Variants in ADAM23 observed in about 807,000 individuals in gnomAD.
ADAM23 encodes the protein disintegrin and metalloproteinase domain-containing protein 23.
Under a neutral mutation model 120.1 loss-of-function variants are expected in ADAM23, and 33 were observed. The observed-to-expected ratio is 0.27, with a 90% confidence interval of 0.21 to 0.37. The LOEUF is 0.37. ADAM23 is among the 10% of genes least tolerant of loss of function. The pLI is 1.00. For synonymous variants in ADAM23, 367 were observed against 375.2 expected, an observed-to-expected ratio of 0.98 and a Z score of 0.25; for missense variants, 862 against 1,058.2, an observed-to-expected ratio of 0.81 and a Z score of 2.57.
intron 2 of ADAM23, among the ~76,000 whole-genome samples, chr2:206,466,676 T>TAAAAGTAAAAA (rs1331396111): frequency 1.3e-5 from 2 of 152,226 alleles, no homozygotes; most frequent in East Asian, 3.8e-4. Context: ...ATTAGTGTAT[T>TAAAAGTAAAAA]AGTCTGTTCT....
intron 2 of ADAM23, among the ~76,000 whole-genome samples, chr2:206,469,462 A>G (rs565354679): frequency 2.4e-4 from 36 of 152,216 alleles, no homozygotes; most frequent in Non-Finnish European, 4.1e-4. Flanking sequence ...GTTATTTCCC[A>G]AGTCAAACCC....
intron 14 of ADAM23, among the ~76,000 whole-genome samples, chr2:206,565,450 A>G (rs115760674): frequency 7.7e-4 from 118 of 152,324 alleles, no homozygotes; most frequent in African/African-American, 2.7e-3. Flanking sequence ...GTAAATATAT[A>G]TGTTTACGGT....
chr2:206,530,207 C>T (rs1697023388), intron 3 of ADAM23, among the ~76,000 whole-genome samples: 1 of 152,182 alleles, frequency 6.6e-6, no homozygotes, highest in African/African-American at 2.4e-5. Context: ...AGTGTCCATA[C>T]AGTTTTATTG....
intron 3 of ADAM23, among the ~76,000 whole-genome samples, chr2:206,486,290 G>C (rs1310538971): frequency 6.6e-6 from 1 of 151,144 alleles, no homozygotes; most frequent in African/African-American, 2.4e-5. Flanking sequence ...CGTTATTCCA[G>C]GTTACAGAAG....
intron 3 of ADAM23, among the ~76,000 whole-genome samples, chr2:206,515,309 C>T (rs964863208): frequency 6.6e-6 from 1 of 152,142 alleles, no homozygotes; most frequent in African/African-American, 2.4e-5. Flanking sequence ...AAAGCAAGAT[C>T]TGTTTTTTAA....
chr2:206,608,090 G>T (rs997419406), intron 24 of ADAM23: 2 of 345,096 alleles, frequency 5.8e-6, no homozygotes, highest in African/African-American at 4.4e-5. Context: ...CATGTAAGTA[G>T]AATAAAGTTT....
intron 2 of ADAM23, among the ~76,000 whole-genome samples, chr2:206,476,742 A>T (rs559311381): frequency 9.9e-5 from 15 of 152,268 alleles, no homozygotes; most frequent in Non-Finnish European, 1.9e-4. Flanking sequence ...AGATGTGATG[A>T]TCCATAGTGT....
intron 3 of ADAM23, among the ~76,000 whole-genome samples, chr2:206,486,916 C>G (rs73054220): frequency 6.6e-6 from 1 of 152,112 alleles, no homozygotes; most frequent in Non-Finnish European, 1.5e-5. Flanking sequence ...CCCTGGTGAC[C>G]GCTAATCTAC....
At position 206,444,025 on chromosome 2, in the gene ADAM23, G is replaced by A. The variant is rs955308824; in HGVS notation, c.159G>A (p.Leu53=). The A allele has an allele frequency of 1.4e-6, 2 of 1,411,152 alleles. No individual in the cohort carries two copies. The highest frequency in any genetic ancestry group is 1.9e-6 in the Non-Finnish European group (2 of 1,078,990). 87.4% of individuals were successfully genotyped at this position (1,411,152 alleles called of 1,614,324 possible). A position where few individuals can be genotyped will look rare whatever the true frequency, so the allele number is the denominator to read the frequency against. ...GCCTGCTTCTCGTCCTTCTCCTGCT[G>A]CCTCCGCTCGCCGCCTCGTCCCGGC... ...PCRLLLVLLL[L]PPLAASSRPR... The change falls in exon 1 of 26, where the codon CTG becomes CTA. Residue 53 remains leucine, a synonymous_variant. Transcript: ENST00000264377.
chr2:206,597,237 C>T (rs556692080), intron 24 of ADAM23, among the ~76,000 whole-genome samples: 6 of 144,536 alleles, frequency 4.2e-5, no homozygotes, highest in African/African-American at 1.3e-4. Context: ...TGGAGTGCAG[C>T]GGTGTGATCT....
At chr2:206,447,160 T>C (rs1485228876) in intron 2 of ADAM23, among the ~76,000 whole-genome samples, 2 of 152,214 alleles carry the variant, frequency 1.3e-5, no homozygotes, top group Non-Finnish European at 2.9e-5. Flanking sequence ...TGTGGCTGTT[T>C]TCTTTGGTGG....
chr2:206,557,480 G>T lies in ADAM23; in HGVS notation c.987G>T (p.Val329=), dbSNP rs1438760591. ...ATACCAACAACTTTGCAAAGTCCGT[G>T]GTCAACCTTGTGGATTCTGTAAGTA... ...HAHTNNFAKS[V]VNLVDSIYKE... The change falls in exon 10 of 26, where the codon GTG becomes GTT. Residue 329 remains valine, a synonymous_variant. Coordinates refer to ENST00000264377, the MANE Select transcript of ADAM23 (RefSeq NM_003812.4). The T allele has an allele frequency of 6.2e-7, 1 of 1,613,198 alleles. No homozygotes were observed. Among genetic ancestry groups the T allele is most frequent in the Non-Finnish European group, 8.5e-7 (1 of 1,179,282 alleles).
intron 2 of ADAM23, among the ~76,000 whole-genome samples, chr2:206,471,379 A>G (rs1695657660): frequency 6.6e-6 from 1 of 152,200 alleles, no homozygotes; most frequent in Admixed American, 6.5e-5. Context: ...TGATATTTGC[A>G]TTGACATGAG....
At chr2:206,490,931 G>T (rs1222787528) in intron 3 of ADAM23, among the ~76,000 whole-genome samples, 1 of 152,090 alleles carries the variant, frequency 6.6e-6, no homozygotes, top group Non-Finnish European at 1.5e-5. Flanking sequence ...AAGAAATATT[G>T]TCTAAATTTT....
chr2:206,498,765 T>C (rs1696315201), intron 3 of ADAM23, among the ~76,000 whole-genome samples: 1 of 152,138 alleles, frequency 6.6e-6, no homozygotes, highest in East Asian at 1.9e-4. Context: ...GACAAAGGGC[T>C]AATATCCAGA....
intron 2 of ADAM23, among the ~76,000 whole-genome samples, chr2:206,462,936 G>A (rs1301418602): frequency 6.6e-6 from 1 of 152,116 alleles, no homozygotes; most frequent in Non-Finnish European, 1.5e-5. Flanking sequence ...TCTGGAAGAC[G>A]GACTGGATGG....
At position 206,511,328 on chromosome 2, in the gene ADAM23, G is replaced by T. The variant is rs140087889; in HGVS notation, c.510-19557G>T. Among the ~76,000 whole-genome samples, 9 of 152,040 alleles carry T rather than the reference G, an allele frequency of 5.9e-5. No individual in the cohort carries two copies. In the South Asian group the frequency reaches 1.5e-3, roughly 25 times the overall value. ...GATGCATATCCTTCATCTCCCCTGC[G>T]GTTTGCTACTTTCCTTCTTTCTTTT... On this transcript the variant is annotated intron_variant, in intron 3 of 25. Transcript: ENST00000264377.
At chr2:206,594,636 C>G in intron 22 of ADAM23, 101 bp from the exon 23 acceptor site, 1 of 1,324,374 alleles carries the variant, frequency 7.6e-7, no homozygotes, top group Non-Finnish European at 1.1e-6. Flanking sequence ...AAATCCACAT[C>G]CACTGACAGC....
At chr2:206,526,205 CACAT>C (rs1696945647) in intron 3 of ADAM23, among the ~76,000 whole-genome samples, 1 of 151,792 alleles carries the variant, frequency 6.6e-6, no homozygotes, top group Non-Finnish European at 1.5e-5. Flanking sequence ...CACGTCTATA[CACAT>C]ACATATAAAA....
Sources: allele counts gnomAD v4.1 joint callset (sites outside exome capture counted in the v4.1 genomes callset), GRCh38; gene constraint gnomAD v4.1.1; transcripts MANE v1.5; gene names NCBI Gene and HGNC (gene_info 2026-07-23, HGNC 2026-07-21).